ARHGAP10: variants seen among roughly 807,000 people sequenced by gnomAD.
The protein encoded by ARHGAP10 is Rho GTPase activating protein 10.
In ARHGAP10, 87 loss-of-function variants were observed where a neutral mutation model predicts 108.6. The observed-to-expected ratio is 0.80, with a 90% CI of 0.67 to 0.96. The LOEUF (loss-of-function observed/expected upper bound fraction) is 0.96, where lower values mean the gene tolerates loss of function less well. Among genes scored for constraint, ARHGAP10 ranks in the 40% least tolerant of loss-of-function variants. The pLI is 0.00. For missense variants in ARHGAP10, 939 were observed against 954.5 expected, an observed-to-expected ratio of 0.98 and a Z score of 0.21; for synonymous variants, 347 against 341.1, an observed-to-expected ratio of 1.02 and a Z score of -0.19.
At chr4:147,810,535 C>T (rs189861831) in intron 1 of ARHGAP10, among the ~76,000 whole-genome samples, 1 of 152,304 alleles carries the variant, frequency 6.6e-6, no homozygotes, top group African/African-American at 2.4e-5. Context: ...ACGTTTACAT[C>T]TCATCTTTAA....
intron 18 of ARHGAP10, among the ~76,000 whole-genome samples, chr4:147,972,875 C>T (rs1739462568): frequency 6.6e-6 from 1 of 152,114 alleles, no homozygotes; most frequent in African/African-American, 2.4e-5. Flanking sequence ...CTGCCTCAGC[C>T]TCCCAAGTAG....
intron 18 of ARHGAP10, among the ~76,000 whole-genome samples, chr4:147,981,433 A>T (rs1739802013): frequency 6.6e-6 from 1 of 152,072 alleles, no homozygotes; most frequent in Non-Finnish European, 1.5e-5. Context: ...GCTTGGTATG[A>T]TTTCAGTTTT....
chr4:147,985,819 A>G (rs1740023199), intron 18 of ARHGAP10, among the ~76,000 whole-genome samples: 1 of 152,190 alleles, frequency 6.6e-6, no homozygotes, highest in Non-Finnish European at 1.5e-5. Flanking sequence ...GGCTGAAGAG[A>G]AACAAAGTGC....
At chr4:147,783,110 TTAAATTA>T (rs1319560370) in intron 1 of ARHGAP10, among the ~76,000 whole-genome samples, 1 of 143,208 alleles carries the variant, frequency 7.0e-6, no homozygotes, top group African/African-American at 2.5e-5. Context: ...AAATTATATG[TTAAATTA>T]TATATTATAT....
At chr4:147,803,112 G>C (rs1027143754) in intron 1 of ARHGAP10, among the ~76,000 whole-genome samples, 1 of 151,924 alleles carries the variant, frequency 6.6e-6, no homozygotes, top group Admixed American at 6.6e-5. Flanking sequence ...GGGTTCAAGC[G>C]ATGCTCATGC....
intron 18 of ARHGAP10, among the ~76,000 whole-genome samples, chr4:148,022,786 T>G (rs1461860196): frequency 6.6e-6 from 1 of 152,260 alleles, no homozygotes; most frequent in African/African-American, 2.4e-5. Flanking sequence ...AAAGGTAATT[T>G]CATAAGCATA....
At chr4:147,833,866 G>A (rs571053402) in intron 3 of ARHGAP10, among the ~76,000 whole-genome samples, 1 of 152,260 alleles carries the variant, frequency 6.6e-6, no homozygotes, top group Non-Finnish European at 1.5e-5. Context: ...AATGTAGTGG[G>A]AAAATATGGT....
intron 22 of ARHGAP10, 119 bp downstream of exon 22, chr4:148,064,626 C>T (rs1366658570): frequency 1.1e-6 from 1 of 896,808 alleles, no homozygotes; most frequent in Non-Finnish European, 1.7e-6. Flanking sequence ...CCCCTTGATG[C>T]TTTGGACTGG....
At chr4:147,749,178 A>G (rs1480423437) in intron 1 of ARHGAP10, among the ~76,000 whole-genome samples, 2 of 152,202 alleles carry the variant, frequency 1.3e-5, no homozygotes, top group African/African-American at 2.4e-5. Context: ...GAAATTGGCA[A>G]GAGGGTGGAA....
At chr4:148,006,247 C>A (rs1578783273) in intron 18 of ARHGAP10, among the ~76,000 whole-genome samples, 1 of 152,178 alleles carries the variant, frequency 6.6e-6, no homozygotes, top group African/African-American at 2.4e-5. Flanking sequence ...GGGAGAGATA[C>A]CCGGCCTGCC....
chr4:147,941,943 T>C (rs1160542824), intron 14 of ARHGAP10, among the ~76,000 whole-genome samples: 3 of 152,048 alleles, frequency 2.0e-5, no homozygotes, highest in Non-Finnish European at 4.4e-5. Context: ...TGAACACTGA[T>C]TGAGTGTTCA....
At chr4:147,910,446 G>C (rs1187043807) in intron 12 of ARHGAP10, among the ~76,000 whole-genome samples, 2 of 151,726 alleles carry the variant, frequency 1.3e-5, no homozygotes, top group Non-Finnish European at 2.9e-5. Flanking sequence ...TCAACTTCTT[G>C]TCTGAGTTAA....
rs116392022 is a variant in ARHGAP10, at chr4:147,949,232, T to C, written c.1391+2528T>C. Among the ~76,000 whole-genome samples the C allele has an allele frequency of 8.3e-3, 1,263 of 152,362 alleles. 20 individuals are homozygous for C. Among genetic ancestry groups the C allele is most frequent in the African/African-American group, 0.029 (1,191 of 41,578 alleles). ...TGATTGATAAAGGGATGTATACTTA[T>C]ATCAGTATTGCCACTGATAGTGACT... On this transcript the variant is annotated intron_variant, in intron 15 of 22. Transcript: ENST00000336498.
chr4:147,979,702 G>C (rs1227088332), intron 18 of ARHGAP10, among the ~76,000 whole-genome samples: 1 of 152,116 alleles, frequency 6.6e-6, no homozygotes, highest in Non-Finnish European at 1.5e-5. Context: ...TATTGTCTGT[G>C]ATATCTTTCA....
intron 1 of ARHGAP10, among the ~76,000 whole-genome samples, chr4:147,751,511 A>C (rs1185401186): frequency 6.6e-6 from 1 of 151,216 alleles, no homozygotes; most frequent in South Asian, 2.1e-4. Flanking sequence ...TGACAGGCGC[A>C]TGCTACCACG....
At chr4:147,766,883 C>T (rs1004183938) in intron 1 of ARHGAP10, among the ~76,000 whole-genome samples, 18 of 148,306 alleles carry the variant, frequency 1.2e-4, no homozygotes, top group African/African-American at 3.5e-4. Context: ...CTTGCTCTGT[C>T]GCCCAGGCTG....
chr4:147,843,028 T>C (rs1030431172), intron 3 of ARHGAP10, among the ~76,000 whole-genome samples: 4 of 152,342 alleles, frequency 2.6e-5, no homozygotes, highest in African/African-American at 7.2e-5. Flanking sequence ...CAAGTGACCT[T>C]GTTTTGTACT....
chr4:148,036,995 T>C (rs535911599), intron 19 of ARHGAP10, among the ~76,000 whole-genome samples: 125 of 152,288 alleles, frequency 8.2e-4, no homozygotes, highest in African/African-American at 2.9e-3. Flanking sequence ...AAAAAAACAG[T>C]CTTAGATAAT....
At chr4:147,760,224 T>C (rs1729537662) in intron 1 of ARHGAP10, among the ~76,000 whole-genome samples, 1 of 152,218 alleles carries the variant, frequency 6.6e-6, no homozygotes, top group Admixed American at 6.5e-5. Flanking sequence ...TTGTGGAGGC[T>C]GACCATTTAC....
Sources: allele counts gnomAD v4.1 joint callset (sites outside exome capture counted in the v4.1 genomes callset), GRCh38; gene constraint gnomAD v4.1.1; transcripts MANE v1.5; gene names NCBI Gene and HGNC (gene_info 2026-07-23, HGNC 2026-07-21).